Variants in BPIFA2 observed in about 807,000 individuals in gnomAD.
BPIFA2 encodes the protein BPI fold-containing family A member 2.
Under a neutral mutation model 25.7 loss-of-function variants are expected in BPIFA2, and 20 were observed. The ratio of observed to expected loss-of-function variants is 0.78; its 90% CI spans 0.55 to 1.13. The LOEUF is 1.13. Among genes scored for constraint, BPIFA2 ranks in the 50% most tolerant of loss-of-function variants. The probability of loss-of-function intolerance (pLI) is 0.00; values close to 1 mark genes in which losing one functional copy is unlikely to be tolerated. For missense variants in BPIFA2, 300 were observed against 298.1 expected, an observed-to-expected ratio of 1.01 and a Z score of -0.05; for synonymous variants, 126 against 124.3, an observed-to-expected ratio of 1.01 and a Z score of -0.09.
chr20:33,165,762 C>T (rs766414327), upstream of BPIFA2, among the ~76,000 whole-genome samples: 18 of 152,204 alleles, frequency 1.2e-4, no homozygotes, highest in Non-Finnish European at 2.5e-4. Context: ...TCGCGACCCT[C>T]ATGGCTGGGG....
intron 2 of BPIFA2, among the ~76,000 whole-genome samples, chr20:33,169,795 T>A (rs6059140): frequency 0.029 from 4,417 of 152,320 alleles, 191 homozygotes; most frequent in African/African-American, 0.098. Context: ...TTTGTCTATA[T>A]TCTTAGCATA....
At chr20:33,162,027 T>A (rs572436416) in intron 1 of BPIFA2, 1 of 152,242 alleles carries the variant, frequency 6.6e-6, no homozygotes, top group East Asian at 1.9e-4. Context: ...GTCGCCGAGG[T>A]TGGAGTACAA....
Position 33,172,862 on chromosome 20 carries a change from C to T in BPIFA2, c.158-70C>T, listed in dbSNP as rs544639967. The stretch of plus-strand genomic sequence containing the variant: ...GAAATAACATAGGCAAACAGTCTTA[C>T]CCGGTACCTGGAGCATCGTAGCTAC... On this transcript the variant is annotated intron_variant, in intron 2 of 8. Coordinates refer to ENST00000354932, the MANE Select transcript of BPIFA2 (RefSeq NM_080574.4). 59 of 1,523,708 alleles carry T rather than the reference C, an allele frequency of 3.9e-5. No individual in the cohort carries two copies. The African/African-American group carries it at 7.3e-4, about 19-fold the overall frequency. 94.4% of individuals were successfully genotyped at this position (1,523,708 alleles called of 1,614,324 possible).
chr20:33,179,170 C>G (rs945425446), intron 6 of BPIFA2, among the ~76,000 whole-genome samples: 1 of 151,962 alleles, frequency 6.6e-6, no homozygotes, highest in African/African-American at 2.4e-5. Context: ...TGGCTTATGC[C>G]TGTAATCCCA....
At chr20:33,178,262 G>A in intron 6 of BPIFA2, 34 bp downstream of exon 6, 2 of 1,500,406 alleles carry the variant, frequency 1.3e-6, no homozygotes, top group Non-Finnish European at 9.2e-7. Flanking sequence ...CCAGATCCAG[G>A]CCTGGTGGGG....
At chr20:33,169,967 T>C (rs1983846016) in intron 2 of BPIFA2, among the ~76,000 whole-genome samples, 1 of 152,228 alleles carries the variant, frequency 6.6e-6, no homozygotes, top group African/African-American at 2.4e-5. Context: ...CTTGGCTTTC[T>C]TTTTGTTTTA....
At chr20:33,163,789 AAT>A (rs142912228), upstream of BPIFA2, among the ~76,000 whole-genome samples, 26,763 of 148,382 alleles carry the variant, frequency 0.18, 6,091 homozygotes, top group African/African-American at 0.54. Context: ...CTTTGTTTAA[AAT>A]ATATATATAT....
Position 33,173,012 on chromosome 20 carries a change from GA to G in BPIFA2, c.240del (p.Ala81LeufsTer5), listed in dbSNP as rs767564669. 26 of 1,614,116 alleles carry G rather than the reference GA, an allele frequency of 1.6e-5. No homozygotes were observed. Among genetic ancestry groups the G allele is most frequent in the Non-Finnish European group, 2.2e-5 (26 of 1,180,020 alleles). On this transcript the variant is annotated frameshift_variant, in exon 3 of 9. Transcript: ENST00000354932. LOFTEE classifies it high-confidence loss of function. ...AWQLAKQKAQ[E>X]AEKLLNNVIS... is the part of the protein sequence containing the mutation. Reference sequence around the variant, plus strand: ...GCAACTGGCCAAGCAGAAGGCCCAGGAAGCTGAGAAATTGCTGAACAATGTC... The same window carrying G: ...GCAACTGGCCAAGCAGAAGGCCCAGGAGCTGAGAAATTGCTGAACAATGTC...
chr20:33,180,640 G>A (rs1984247078), intron 8 of BPIFA2, 43 bp downstream of exon 8: 5 of 1,488,976 alleles, frequency 3.4e-6, no homozygotes, highest in Non-Finnish European at 4.7e-6. Context: ...GGGGCCTATG[G>A]TGAAGTAAAA....
rs571671191 is a variant in BPIFA2 at position 33,173,665 on chromosome 20, C to T, written c.303-414C>T. 1.2e-3 allele frequency among the ~76,000 whole-genome samples: 187 copies of T among 152,210 alleles called. 1 individual carries two copies. The highest frequency in any genetic ancestry group is 4.1e-3 in the African/African-American group (171 of 41,502). On this transcript the variant is annotated intron_variant, in intron 3 of 8. Transcript: ENST00000354932. ...GATTAGAGGCATGCACCACCACGCC[C>T]GGCTAATTTTGTATATTTAGTAGAC...
intron 7 of BPIFA2, among the ~76,000 whole-genome samples, chr20:33,180,211 G>A (rs1052833892): frequency 6.6e-6 from 1 of 150,766 alleles, no homozygotes; most frequent in African/African-American, 2.4e-5. Flanking sequence ...GAGTGAGACC[G>A]CAATCTCAAA....
chr20:33,172,990 A>G lies in BPIFA2; in HGVS notation c.216A>G (p.Gln72=). The G allele has an allele frequency of 6.2e-7, 1 of 1,614,094 alleles. No homozygotes were observed. Among genetic ancestry groups the G allele is most frequent in the South Asian group, 1.1e-5 (1 of 91,060 alleles). ...LGVLQKSSAW[Q]LAKQKAQEAE... is the part of the protein sequence containing the mutation. Reference sequence around the variant, plus strand: ...TGCTTCAGAAATCCAGTGCTTGGCAACTGGCCAAGCAGAAGGCCCAGGAAG... The same window carrying G: ...TGCTTCAGAAATCCAGTGCTTGGCAGCTGGCCAAGCAGAAGGCCCAGGAAG... The change falls in exon 3 of 9, where the codon CAA becomes CAG. Residue 72 remains glutamine, a synonymous_variant. Coordinates refer to ENST00000354932, the MANE Select transcript of BPIFA2 (RefSeq NM_080574.4).
At chr20:33,169,686 A>G (rs746703564) in intron 2 of BPIFA2, among the ~76,000 whole-genome samples, 9 of 152,314 alleles carry the variant, frequency 5.9e-5, no homozygotes, top group Middle Eastern at 3.4e-3. Context: ...CACAGATGAA[A>G]AGCTATAACT....
At chr20:33,168,423 T>C (rs1983790253) in intron 1 of BPIFA2, among the ~76,000 whole-genome samples, 1 of 152,236 alleles carries the variant, frequency 6.6e-6, no homozygotes, top group Non-Finnish European at 1.5e-5. Context: ...ACTCCTGTTC[T>C]TCCCATGACT....
At chr20:33,165,407 T>C (rs551320191), upstream of BPIFA2, among the ~76,000 whole-genome samples, 8 of 152,312 alleles carry the variant, frequency 5.3e-5, no homozygotes, top group East Asian at 1.4e-3. Context: ...GTGTGTTTGT[T>C]ATCTGGAGAA....
intron 4 of BPIFA2, among the ~76,000 whole-genome samples, chr20:33,174,976 C>T (rs554538283): frequency 6.6e-6 from 1 of 152,252 alleles, no homozygotes; most frequent in South Asian, 2.1e-4. Flanking sequence ...GAAAGCACTT[C>T]TGTAAACTAC....
intron 2 of BPIFA2, among the ~76,000 whole-genome samples, chr20:33,171,004 GC>G: frequency 6.6e-6 from 1 of 152,240 alleles, no homozygotes; most frequent in South Asian, 2.1e-4. Flanking sequence ...TTTCCCCACT[GC>G]TTGTTTTTGT....
intron 6 of BPIFA2, 56 bp from the exon 7 acceptor site, chr20:33,179,547 AT>A (rs1434660111): frequency 6.9e-7 from 1 of 1,442,714 alleles, no homozygotes; most frequent in Admixed American, 1.7e-5. Context: ...GCTGAGAAGA[AT>A]GATCTGTTCT....
intron 5 of BPIFA2, among the ~76,000 whole-genome samples, chr20:33,176,483 C>T (rs978603343): frequency 3.9e-5 from 6 of 152,232 alleles, no homozygotes; most frequent in Middle Eastern, 3.2e-3. Flanking sequence ...GGGATCTGAA[C>T]ACAGGTTGCT....
Sources: gnomAD v4.1 joint callset for allele counts (sites outside exome capture counted in the v4.1 genomes callset) on GRCh38, gnomAD v4.1.1 for gene constraint, MANE v1.5 for transcripts, NCBI Gene and HGNC (gene_info 2026-07-23, HGNC 2026-07-21) for gene names.